The following RASAL2 variants were observed in gnomAD, a reference collection of about 807,000 sequenced individuals.
RASAL2 encodes the protein RAS protein activator like 2.
RASAL2 carries 58 observed loss-of-function variants against 128.9 expected under a neutral mutation model. The observed-to-expected ratio is 0.45, with a 90% CI of 0.36 to 0.56. RASAL2 has a LOEUF of 0.56. RASAL2 is among the 20% of genes least tolerant of loss of function. The pLI is 0.00. For synonymous variants in RASAL2, 561 were observed against 580.8 expected, an observed-to-expected ratio of 0.97 and a Z score of 0.49; for missense variants, 1,360 against 1,601.6, an observed-to-expected ratio of 0.85 and a Z score of 2.57.
At chr1:178,265,891 C>A (rs1239786465) in intron 1 of RASAL2, among the ~76,000 whole-genome samples, 1 of 152,074 alleles carries the variant, frequency 6.6e-6, no homozygotes, top group Admixed American at 6.5e-5. Flanking sequence ...TTTTTTTGCT[C>A]AACGTTATAT....
chr1:178,478,205 G>A lies in RASAL2; in HGVS notation c.*4966G>A, dbSNP rs527257964. 6.6e-6 allele frequency: 1 copy of A among 152,102 alleles called. No individual in the cohort carries two copies. Among genetic ancestry groups the A allele is most frequent in the African/African-American group, 2.4e-5 (1 of 41,498 alleles). The allele number at this position is 152,102 out of a possible 1,614,324, so 9.4% of individuals were successfully genotyped here. ...CCAGATTTATTTGTTGTTGTAGAGA[G>A]ATTTCCACAGAAGTTGTGTTTTAGG... is the stretch of plus-strand genomic sequence containing the variant. On this transcript the variant is annotated 3_prime_UTR_variant, in exon 18 of 18. Transcript: ENST00000367649.
At chr1:178,247,562 A>G (rs1042626790) in intron 1 of RASAL2, among the ~76,000 whole-genome samples, 5 of 151,770 alleles carry the variant, frequency 3.3e-5, no homozygotes, top group African/African-American at 4.8e-5. Context: ...TCGTGTCTCT[A>G]TCTCCTTCAG....
chr1:178,160,065 T>C (rs536966945), intron 1 of RASAL2, among the ~76,000 whole-genome samples: 6 of 152,206 alleles, frequency 3.9e-5, no homozygotes, highest in Admixed American at 6.5e-5. Flanking sequence ...TTCTTTCTTT[T>C]TTTTTTTAAG....
intron 2 of RASAL2, among the ~76,000 whole-genome samples, chr1:178,299,638 C>T (rs1667674500): frequency 6.6e-6 from 1 of 151,990 alleles, no homozygotes; most frequent in Non-Finnish European, 1.5e-5. Context: ...GCTGGGACTA[C>T]AGGTGGGCGC....
At chr1:178,472,046 G>T (rs775855013) in intron 17 of RASAL2, among the ~76,000 whole-genome samples, 44 of 152,092 alleles carry the variant, frequency 2.9e-4, no homozygotes, top group African/African-American at 1.0e-3. Flanking sequence ...ACTGTTTCCT[G>T]CGTTGTTTTC....
At chr1:178,407,566 AG>A (rs965138096) in intron 4 of RASAL2, among the ~76,000 whole-genome samples, 3 of 152,224 alleles carry the variant, frequency 2.0e-5, no homozygotes, top group African/African-American at 7.2e-5. Context: ...TCTAGTTGAC[AG>A]GGTGGCATTT....
chr1:178,346,294 C>T (rs570887811), intron 3 of RASAL2, among the ~76,000 whole-genome samples: 1 of 151,848 alleles, frequency 6.6e-6, no homozygotes, highest in East Asian at 1.9e-4. Context: ...CCCAGCTACT[C>T]AGAAGGCTGA....
At chr1:178,414,818 C>T (rs998137839) in intron 4 of RASAL2, among the ~76,000 whole-genome samples, 1 of 152,066 alleles carries the variant, frequency 6.6e-6, no homozygotes, top group African/African-American at 2.4e-5. Context: ...TCTATTTCTT[C>T]CTGTATAAGT....
In RASAL2 at chr1:178,227,576, G is replaced by A. The variant is rs1663839046; in HGVS notation, c.203-55988G>A. On this transcript the variant is annotated intron_variant, in intron 1 of 17. Transcript: ENST00000367649. The stretch of plus-strand genomic sequence containing the variant: ...TTCCAGGAAGACAGGGACAGTGTCT[G>A]GTTGTTTTTTGTTGTTGTTGTTGTT... 2.6e-5 allele frequency among the ~76,000 whole-genome samples: 4 copies of A among 152,118 alleles called. No individual in the cohort carries two copies. The South Asian group carries it at 8.3e-4, about 32-fold the overall frequency.
At chr1:178,186,072 T>C (rs937153331) in intron 1 of RASAL2, among the ~76,000 whole-genome samples, 8 of 152,146 alleles carry the variant, frequency 5.3e-5, no homozygotes, top group African/African-American at 1.9e-4. Flanking sequence ...AATATAGAGC[T>C]ATTAAAGTTA....
intron 1 of RASAL2, among the ~76,000 whole-genome samples, chr1:178,113,548 G>GTGTA (rs1659417273): frequency 6.6e-6 from 1 of 150,590 alleles, no homozygotes; most frequent in Admixed American, 6.6e-5. Context: ...GTGTGTGTGT[G>GTGTA]TGTGTGTGTG....
chr1:178,204,734 G>A (rs763474930), intron 1 of RASAL2, among the ~76,000 whole-genome samples: 1 of 152,182 alleles, frequency 6.6e-6, no homozygotes, highest in Non-Finnish European at 1.5e-5. Flanking sequence ...AGCAATGTAT[G>A]AAATTGTTTC....
At chr1:178,376,922 G>A (rs1403164493) in intron 3 of RASAL2, among the ~76,000 whole-genome samples, 1 of 151,916 alleles carries the variant, frequency 6.6e-6, no homozygotes, top group African/African-American at 2.4e-5. Context: ...CTACTATTCT[G>A]TAGTCCCATA....
chr1:178,453,344 C>T (rs755477629), intron 11 of RASAL2, among the ~76,000 whole-genome samples: 9 of 150,792 alleles, frequency 6.0e-5, no homozygotes, highest in East Asian at 5.8e-4. Flanking sequence ...AAGAAATGGA[C>T]GCTAAACTAT....
chr1:178,157,783 A>G (rs1319185669), intron 1 of RASAL2, among the ~76,000 whole-genome samples: 1 of 152,214 alleles, frequency 6.6e-6, no homozygotes, highest in Non-Finnish European at 1.5e-5. Flanking sequence ...ATAAAAGTAG[A>G]AAACAGTCAA....
At chr1:178,198,339 A>G (rs139134785) in intron 1 of RASAL2, among the ~76,000 whole-genome samples, 9,602 of 152,112 alleles carry the variant, frequency 0.063, 376 homozygotes, top group Middle Eastern at 0.092. Flanking sequence ...AAGCATTCCT[A>G]TTTCTCCACA....
intron 3 of RASAL2, among the ~76,000 whole-genome samples, chr1:178,383,932 A>G (rs2102575510): frequency 6.6e-6 from 1 of 152,374 alleles, no homozygotes; most frequent in Non-Finnish European, 1.5e-5. Flanking sequence ...CAGTGACTTG[A>G]ATGGGTACAC....
At chr1:178,288,381 T>G (rs1430607618) in intron 2 of RASAL2, among the ~76,000 whole-genome samples, 4 of 152,032 alleles carry the variant, frequency 2.6e-5, no homozygotes, top group African/African-American at 9.7e-5. Context: ...ACTGAGAAAA[T>G]TGGAAAATTC....
At chr1:178,282,592 G>A (rs1351556199) in intron 1 of RASAL2, among the ~76,000 whole-genome samples, 1 of 152,090 alleles carries the variant, frequency 6.6e-6, no homozygotes, top group African/African-American at 2.4e-5. Flanking sequence ...TAGATATAAT[G>A]TACTTTTTTA....
Sources: gnomAD v4.1 joint callset for allele counts (sites outside exome capture counted in the v4.1 genomes callset) on GRCh38, gnomAD v4.1.1 for gene constraint, MANE v1.5 for transcripts, NCBI Gene and HGNC (gene_info 2026-07-23, HGNC 2026-07-21) for gene names.